The following TENM2 variants were observed in gnomAD, a reference collection of about 807,000 sequenced individuals.
TENM2 encodes the protein teneurin-2.
TENM2 carries 52 observed loss-of-function variants against 245.2 expected under a neutral mutation model. The ratio of observed to expected loss-of-function variants is 0.21; its 90% CI spans 0.17 to 0.27. TENM2 has a LOEUF of 0.27. TENM2 is among the 10% of genes least tolerant of loss of function. TENM2 has a pLI of 1.00. For synonymous variants in TENM2, 1,363 were observed against 1,438.9 expected (o/e 0.95, Z 1.19); for missense variants, 3,046 against 3,666.8 (o/e 0.83, Z 4.37).
chr5:167,561,240 T>C (rs1468121228), intron 2 of TENM2, among the ~76,000 whole-genome samples: 1 of 152,206 alleles, frequency 6.6e-6, no homozygotes, highest in Non-Finnish European at 1.5e-5. Flanking sequence ...TTAAAGGTCA[T>C]AAAACAATAA....
intron 2 of TENM2, among the ~76,000 whole-genome samples, chr5:167,597,166 T>TTTTCTTTTC (rs1491268322): frequency 3.6e-5 from 1 of 27,752 alleles, no homozygotes; most frequent in African/African-American, 8.8e-5. Context: ...TTTTCTTTTC[T>TTTTCTTTTC]TTTTTTTTTT....
intron 9 of TENM2, among the ~76,000 whole-genome samples, chr5:168,116,376 G>C (rs1795083083): frequency 6.6e-6 from 1 of 152,104 alleles, no homozygotes; most frequent in Non-Finnish European, 1.5e-5. Context: ...GAGGGGAAAT[G>C]ACCCCTCAAT....
intron 4 of TENM2, among the ~76,000 whole-genome samples, chr5:167,981,075 G>A (rs897805957): frequency 2.0e-5 from 3 of 152,168 alleles, no homozygotes; most frequent in African/African-American, 7.2e-5. Flanking sequence ...TCCAGTGACT[G>A]GTCCGAGTAA....
At chr5:167,839,578 T>A (rs904657510) in intron 2 of TENM2, among the ~76,000 whole-genome samples, 1 of 152,150 alleles carries the variant, frequency 6.6e-6, no homozygotes, top group African/African-American at 2.4e-5. Flanking sequence ...TGTGTGTATG[T>A]ATGTATGTGT....
At chr5:166,979,623 C>T in the TENM2 span, among the ~76,000 whole-genome samples, 1 of 152,140 alleles carries the variant, frequency 6.6e-6, no homozygotes, top group African/African-American at 2.4e-5. Flanking sequence ...TGCAATCGCT[C>T]CTGAATCAGC....
intron 2 of TENM2, among the ~76,000 whole-genome samples, chr5:167,457,149 T>A (rs1343779462): frequency 6.6e-6 from 1 of 152,154 alleles, no homozygotes; most frequent in East Asian, 1.9e-4. Context: ...CAGTCCCCTC[T>A]AAAATCATAA....
chr5:168,099,325 A>C (rs1343707397), intron 9 of TENM2, among the ~76,000 whole-genome samples: 1 of 152,188 alleles, frequency 6.6e-6, no homozygotes, highest in Non-Finnish European at 1.5e-5. Context: ...CTGCAGAGTC[A>C]GGCAATCCTG....
intron 2 of TENM2, chr5:167,755,247 G>A: frequency 1.5e-6 from 2 of 1,361,196 alleles, no homozygotes. Flanking sequence ...TGTCCTCACT[G>A]ACAGGGTAGT....
chr5:168,059,117 A>G (rs1297762451), intron 6 of TENM2, among the ~76,000 whole-genome samples: 3 of 152,198 alleles, frequency 2.0e-5, no homozygotes, highest in Non-Finnish European at 4.4e-5. Context: ...CTACTGAGGA[A>G]GTAGCCTGTG....
At position 168,003,342 on chromosome 5, in the gene TENM2, C is replaced by G. The variant is rs935344122; in HGVS notation, c.1186+10160C>G. ...ACACACACACACACACACACACACA[C>G]ACACCCCCAAAGCTGGCATAACTGT... On this transcript the variant is annotated intron_variant, in intron 5 of 28. Transcript: ENST00000518659. 3.1e-5 allele frequency among the ~76,000 whole-genome samples: 3 copies of G among 95,700 alleles called. No individual in the cohort carries two copies. The South Asian group carries it at 8.7e-4, about 28-fold the overall frequency. 62.8% of individuals were successfully genotyped at this position (95,700 alleles called of 152,430 possible). A position where few individuals can be genotyped will look rare whatever the true frequency, so the allele number is the denominator to read the frequency against.
At position 168,185,440 on chromosome 5, in the gene TENM2, A is replaced by G. The variant is rs551500257; in HGVS notation, c.2570-4897A>G. ...CTGCTTTAACCCTCCCAGCAGCACT[A>G]TCTACCATCGTGATCATCATCATCA... On this transcript the variant is annotated intron_variant, in intron 13 of 28. Transcript: ENST00000518659. Among the ~76,000 whole-genome samples, 5 of 152,234 alleles carry G rather than the reference A, an allele frequency of 3.3e-5. No individual in the cohort carries two copies. The East Asian group carries it at 5.8e-4, about 18-fold the overall frequency.
chr5:167,625,658 A>G (rs904087674), intron 2 of TENM2, among the ~76,000 whole-genome samples: 1 of 152,198 alleles, frequency 6.6e-6, no homozygotes, highest in Non-Finnish European at 1.5e-5. Context: ...CCAAAACTTC[A>G]TGGTTTAAAA....
chr5:168,207,086 C>T (rs1488487463), intron 19 of TENM2, among the ~76,000 whole-genome samples: 1 of 152,174 alleles, frequency 6.6e-6, no homozygotes, highest in Non-Finnish European at 1.5e-5. Flanking sequence ...ACCTCTGAGT[C>T]ACTACACCCT....
rs74399000 is a variant in TENM2, at chr5:167,718,321, G to T, written c.503-157665G>T. 8.2e-3 allele frequency among the ~76,000 whole-genome samples: 1,244 copies of T among 152,284 alleles called. 13 individuals carry two copies. The highest frequency in any genetic ancestry group is 0.027 in the Middle Eastern group (8 of 294). ...GTAGAAAGGATGTGCTGGGCTTATT[G>T]TCTGACAAATTGGGTCCTGTTTTGG... On this transcript the variant is annotated intron_variant, in intron 2 of 28. Transcript: ENST00000518659.
At chr5:167,060,345 T>G in the TENM2 span, among the ~76,000 whole-genome samples, 1 of 151,996 alleles carries the variant, frequency 6.6e-6, no homozygotes, top group Middle Eastern at 3.4e-3. Context: ...TTTAAAAATT[T>G]AGACCACATT....
At position 167,469,844 on chromosome 5, in the gene TENM2, G is replaced by A. The variant is rs191068848; in HGVS notation, c.502+94371G>A. ...GGAGTAGTCATACCTTGCATCTTAC[G>A]TTTATTGTTCTGAACAAGAAATTTC... On this transcript the variant is annotated intron_variant, in intron 2 of 28. Transcript: ENST00000518659. 1.1e-4 allele frequency among the ~76,000 whole-genome samples: 16 copies of A among 151,876 alleles called. No homozygotes were observed. The East Asian group carries it at 1.4e-3, about 13-fold the overall frequency.
intron 1 of TENM2, among the ~76,000 whole-genome samples, chr5:167,356,171 G>A (rs1404798022): frequency 2.2e-4 from 25 of 111,304 alleles, no homozygotes; most frequent in Non-Finnish European, 2.6e-4. Context: ...CTGGGTGGCT[G>A]AGCGAGACTC....
chr5:167,435,299 C>T (rs1226140502), intron 2 of TENM2, among the ~76,000 whole-genome samples: 3 of 152,146 alleles, frequency 2.0e-5, no homozygotes, highest in Non-Finnish European at 4.4e-5. Flanking sequence ...GTAGGAGGAA[C>T]CTGGTGGGAT....
intron 2 of TENM2, among the ~76,000 whole-genome samples, chr5:167,683,062 C>T (rs755257926): frequency 6.6e-6 from 1 of 152,160 alleles, no homozygotes; most frequent in Non-Finnish European, 1.5e-5. Context: ...TTTTAAAGCA[C>T]ATGACATCTG....
Sources: gnomAD v4.1 joint callset for allele counts (sites outside exome capture counted in the v4.1 genomes callset) on GRCh38, gnomAD v4.1.1 for gene constraint, MANE v1.5 for transcripts, NCBI Gene and HGNC (gene_info 2026-07-23, HGNC 2026-07-21) for gene names.